The following WWOX variants were observed in gnomAD, a reference collection of about 807,000 sequenced individuals.
WWOX encodes WW domain containing oxidoreductase.
WWOX carries 69 observed loss-of-function variants against 46.2 expected under a neutral mutation model. The observed-to-expected ratio is 1.49, with a 90% CI of 1.23 to 1.82. The LOEUF (loss-of-function observed/expected upper bound fraction) is 1.82. WWOX is among the 40% of genes most tolerant of loss of function. The pLI is 0.00. For synonymous variants in WWOX, 359 were observed against 202.6 expected (o/e 1.77, Z -6.56); for missense variants, 919 against 542.6 (o/e 1.69, Z -6.89).
At chr16:78,934,419 G>C (rs760455873) in intron 8 of WWOX, among the ~76,000 whole-genome samples, 1 of 148,580 alleles carries the variant, frequency 6.7e-6, no homozygotes, top group East Asian at 2.0e-4. Flanking sequence ...TAAAGCAGGA[G>C]GATCACTTGA....
intron 8 of WWOX, among the ~76,000 whole-genome samples, chr16:79,008,519 G>C (rs2047235874): frequency 6.6e-6 from 1 of 152,166 alleles, no homozygotes; most frequent in Non-Finnish European, 1.5e-5. Flanking sequence ...TATAGGAAAT[G>C]GAAGTCTTGG....
intron 8 of WWOX, among the ~76,000 whole-genome samples, chr16:79,008,752 T>G (rs1452492773): frequency 1.3e-5 from 2 of 152,164 alleles, no homozygotes; most frequent in African/African-American, 2.4e-5. Context: ...TTTGTTGGTT[T>G]CAGCAAACAA....
At chr16:78,362,209 C>G (rs1398772518) in intron 5 of WWOX, among the ~76,000 whole-genome samples, 1 of 151,910 alleles carries the variant, frequency 6.6e-6, no homozygotes, top group Non-Finnish European at 1.5e-5. Context: ...TTGTACTGAA[C>G]TCGTGGGAGC....
chr16:78,443,981 G>T (rs1296181088), intron 8 of WWOX, among the ~76,000 whole-genome samples: 1 of 152,164 alleles, frequency 6.6e-6, no homozygotes, highest in African/African-American at 2.4e-5. Flanking sequence ...TGTTTCTTCT[G>T]TGAACAGTGA....
chr16:79,211,597 T>G lies in WWOX; in HGVS notation c.1057-11T>G. On this transcript the variant is annotated splice_polypyrimidine_tract_variant and intron_variant, in intron 8 of 8. Transcript: ENST00000566780. ...TAAAATTTTTTTTTGTCTTTCTTCT[T>G]GGATTTCCAGCAACAGGGAGCTGCC... 6.2e-7 allele frequency: 1 copy of G among 1,614,174 alleles called. No homozygotes were observed. The highest frequency in any genetic ancestry group is 8.5e-7 in the Non-Finnish European group (1 of 1,180,022).
At chr16:78,926,758 G>T (rs972317479) in intron 8 of WWOX, among the ~76,000 whole-genome samples, 1 of 152,072 alleles carries the variant, frequency 6.6e-6, no homozygotes, top group Non-Finnish European at 1.5e-5. Flanking sequence ...AAGACCATGG[G>T]TGTGAGTATT....
At chr16:78,934,231 G>A (rs28627839) in intron 8 of WWOX, among the ~76,000 whole-genome samples, 5,711 of 151,130 alleles carry the variant, frequency 0.038, 386 homozygotes, top group East Asian at 0.24. Context: ...CCAGCTACTC[G>A]GGAGGCTGAG....
At chr16:78,972,568 A>G (rs1490144412) in intron 8 of WWOX, among the ~76,000 whole-genome samples, 2 of 152,004 alleles carry the variant, frequency 1.3e-5, no homozygotes, top group Non-Finnish European at 2.9e-5. Context: ...TACCGTCATC[A>G]GCAGGTGTGT....
intron 8 of WWOX, among the ~76,000 whole-genome samples, chr16:78,954,650 T>A (rs991085933): frequency 3.9e-5 from 6 of 152,150 alleles, no homozygotes; most frequent in African/African-American, 1.4e-4. Flanking sequence ...CAATGATTTT[T>A]TGATATAGAA....
intron 6 of WWOX, among the ~76,000 whole-genome samples, chr16:78,397,354 C>T (rs1218149430): frequency 6.6e-6 from 1 of 152,136 alleles, no homozygotes; most frequent in South Asian, 2.1e-4. Flanking sequence ...CACTTACATA[C>T]CATCCCATTT....
intron 8 of WWOX, among the ~76,000 whole-genome samples, chr16:78,768,279 T>TTA (rs1309673439): frequency 1.1e-5 from 1 of 91,958 alleles, no homozygotes; most frequent in Non-Finnish European, 2.1e-5. Context: ...ATAGATGAGT[T>TTA]AAAAAAAAAA....
At chr16:78,988,965 G>A (rs1191793816) in intron 8 of WWOX, among the ~76,000 whole-genome samples, 1 of 152,172 alleles carries the variant, frequency 6.6e-6, no homozygotes, top group Non-Finnish European at 1.5e-5. Context: ...CAGGAACTAG[G>A]CAGGAGAATT....
chr16:78,802,202 G>GTTTT (rs60554747), intron 8 of WWOX, among the ~76,000 whole-genome samples: 1 of 96,762 alleles, frequency 1.0e-5, no homozygotes, highest in Non-Finnish European at 2.0e-5. Context: ...GTTTGTTTAG[G>GTTTT]TTTTTTTTTT....
chr16:78,406,351 TA>T (rs2082543013), intron 6 of WWOX, among the ~76,000 whole-genome samples: 18 of 102,212 alleles, frequency 1.8e-4, no homozygotes, highest in Non-Finnish European at 2.4e-4. Context: ...TATATATATA[TA>T]TATTTTATTA....
At chr16:78,817,375 C>A (rs1358323570) in intron 8 of WWOX, among the ~76,000 whole-genome samples, 1 of 152,068 alleles carries the variant, frequency 6.6e-6, no homozygotes, top group Non-Finnish European at 1.5e-5. Flanking sequence ...ATTCCTAGTG[C>A]AGGCCAGCCT....
chr16:78,678,166 T>C (rs897626577), intron 8 of WWOX, among the ~76,000 whole-genome samples: 1 of 152,192 alleles, frequency 6.6e-6, no homozygotes, highest in Non-Finnish European at 1.5e-5. Context: ...TCCTGGGTCC[T>C]GAGTACCAGT....
At chr16:78,317,948 C>T (rs1597475843) in intron 5 of WWOX, among the ~76,000 whole-genome samples, 1 of 152,142 alleles carries the variant, frequency 6.6e-6, no homozygotes, top group Admixed American at 6.6e-5. Flanking sequence ...CTTTTTCAGC[C>T]TGGGTTTGAA....
intron 8 of WWOX, among the ~76,000 whole-genome samples, chr16:79,187,779 C>G (rs1370491874): frequency 1.3e-5 from 2 of 152,124 alleles, no homozygotes; most frequent in East Asian, 1.9e-4. Context: ...TGGGCTCAAG[C>G]AATGCACTGG....
chr16:78,636,101 G>A (rs1372595286), intron 8 of WWOX, among the ~76,000 whole-genome samples: 1 of 152,170 alleles, frequency 6.6e-6, no homozygotes, highest in East Asian at 1.9e-4. Flanking sequence ...TGATTAAAAT[G>A]CCTTTGACAG....
Sources: gnomAD v4.1 joint callset for allele counts (sites outside exome capture counted in the v4.1 genomes callset) on GRCh38, gnomAD v4.1.1 for gene constraint, MANE v1.5 for transcripts, NCBI Gene and HGNC (gene_info 2026-07-23, HGNC 2026-07-21) for gene names.